The following ITFG1 variants were observed in gnomAD, a reference collection of about 807,000 sequenced individuals.
ITFG1 encodes integrin alpha FG-GAP repeat containing 1, also known as T-cell immunomodulatory protein.
ITFG1 carries 34 observed loss-of-function variants against 81.8 expected under a neutral mutation model. That is an observed-to-expected ratio of 0.42 (90% CI 0.32 to 0.55). ITFG1 has a LOEUF of 0.55. Ranked by LOEUF, ITFG1 falls within the 20% of genes least tolerant of loss-of-function variation. The probability of loss-of-function intolerance (pLI) is 0.17; values close to 1 mark genes in which losing one functional copy is unlikely to be tolerated. For synonymous variants in ITFG1, 285 were observed against 270.6 expected (o/e 1.05, Z -0.52); for missense variants, 672 against 755.4 (o/e 0.89, Z 1.29).
At chr16:47,352,045 T>C (rs199636315) in intron 8 of ITFG1, among the ~76,000 whole-genome samples, 1 of 152,282 alleles carries the variant, frequency 6.6e-6, no homozygotes, top group East Asian at 1.9e-4. Context: ...TTACACCTTA[T>C]ACAAAAATTA....
intron 8 of ITFG1, among the ~76,000 whole-genome samples, chr16:47,350,089 C>A (rs1967927876): frequency 6.6e-6 from 1 of 152,176 alleles, no homozygotes; most frequent in African/African-American, 2.4e-5. Context: ...ATTTATAGCA[C>A]TAAATGCCCA....
chr16:47,224,207 GT>G (rs2151529199), intron 13 of ITFG1, among the ~76,000 whole-genome samples: 1 of 152,122 alleles, frequency 6.6e-6, no homozygotes, highest in African/African-American at 2.4e-5. Flanking sequence ...AAAACTTAAA[GT>G]ATAATAATAA....
intron 8 of ITFG1, among the ~76,000 whole-genome samples, chr16:47,350,592 A>T (rs1022934997): frequency 1.3e-5 from 2 of 152,216 alleles, no homozygotes; most frequent in African/African-American, 2.4e-5. Flanking sequence ...AACCAAAAAC[A>T]GTCCAGGACC....
At chr16:47,205,850 A>ATCTC (rs1555504092) in intron 14 of ITFG1, among the ~76,000 whole-genome samples, 192 of 128,228 alleles carry the variant, frequency 1.5e-3, no homozygotes, top group African/African-American at 4.6e-3. Flanking sequence ...CTATCTATCT[A>ATCTC]TCTATCTATC....
intron 14 of ITFG1, among the ~76,000 whole-genome samples, chr16:47,192,000 G>A (rs180742296): frequency 2.8e-4 from 43 of 152,116 alleles, no homozygotes; most frequent in Non-Finnish European, 4.4e-4. Flanking sequence ...GCCCAGTCTC[G>A]AACCCCTGGG....
At chr16:47,426,653 G>C (rs1212270535) in intron 6 of ITFG1, among the ~76,000 whole-genome samples, 1 of 151,562 alleles carries the variant, frequency 6.6e-6, no homozygotes, top group Admixed American at 6.6e-5. Flanking sequence ...CTAGATAAAA[G>C]GTTAAATTTG....
intron 6 of ITFG1, among the ~76,000 whole-genome samples, chr16:47,386,835 G>A (rs1968469346): frequency 6.6e-6 from 1 of 152,170 alleles, no homozygotes. Flanking sequence ...AACAGAGTGT[G>A]GGGAAGTTCA....
At chr16:47,410,034 G>C (rs1188481788) in intron 6 of ITFG1, among the ~76,000 whole-genome samples, 1 of 152,172 alleles carries the variant, frequency 6.6e-6, no homozygotes, top group Non-Finnish European at 1.5e-5. Context: ...AGCACTCCGG[G>C]AGGCCAAGGC....
At chr16:47,216,942 G>C (rs1245185876) in intron 14 of ITFG1, among the ~76,000 whole-genome samples, 1 of 152,152 alleles carries the variant, frequency 6.6e-6, no homozygotes, top group Non-Finnish European at 1.5e-5. Flanking sequence ...ACAGGCATGA[G>C]CACCTGGCCT....
At chr16:47,186,006 C>G (rs1965208597) in intron 14 of ITFG1, among the ~76,000 whole-genome samples, 1 of 152,180 alleles carries the variant, frequency 6.6e-6, no homozygotes, top group Non-Finnish European at 1.5e-5. Context: ...ACTAGAAAAT[C>G]TAGAAGAAAT....
chr16:47,402,226 C>T (rs1968670563), intron 6 of ITFG1, among the ~76,000 whole-genome samples: 1 of 152,106 alleles, frequency 6.6e-6, no homozygotes, highest in Non-Finnish European at 1.5e-5. Context: ...TGAAATAAAT[C>T]TTATCAACAT....
chr16:47,285,773 A>G (rs938019457), intron 10 of ITFG1, among the ~76,000 whole-genome samples: 2 of 152,226 alleles, frequency 1.3e-5, no homozygotes, highest in East Asian at 1.9e-4. Flanking sequence ...ATTATATTAC[A>G]TAAGAGCTGT....
At chr16:47,208,954 T>C (rs1347157598) in intron 14 of ITFG1, among the ~76,000 whole-genome samples, 2 of 152,130 alleles carry the variant, frequency 1.3e-5, no homozygotes, top group East Asian at 3.8e-4. Flanking sequence ...TTAAAAAATA[T>C]CCTTCCTCAC....
chr16:47,461,053 C>T lies in ITFG1; in HGVS notation c.-8G>A, dbSNP rs762150784. 26 of 1,531,008 alleles carry T rather than the reference C, an allele frequency of 1.7e-5. No individual in the cohort carries two copies. Among genetic ancestry groups the T allele is most frequent in the Middle Eastern group, 2.3e-4 (1 of 4,408 alleles). 94.8% of individuals were successfully genotyped at this position (1,531,008 alleles called of 1,614,324 possible). A position where few individuals can be genotyped will look rare whatever the true frequency, so the allele number is the denominator to read the frequency against. ...CCGGCCCGCCGCCGCCATGGCAGCCCCTCAGCCCCCGCCCGCCGGCCCAAC... is the reference window on the plus strand; with the variant it reads ...CCGGCCCGCCGCCGCCATGGCAGCCTCTCAGCCCCCGCCCGCCGGCCCAAC... On this transcript the variant is annotated 5_prime_UTR_variant, in exon 1 of 18. Transcript: ENST00000320640.
intron 1 of ITFG1, among the ~76,000 whole-genome samples, chr16:47,459,913 A>T (rs1188608947): frequency 6.6e-6 from 1 of 152,156 alleles, no homozygotes; most frequent in African/African-American, 2.4e-5. Flanking sequence ...GGGCTCCAAG[A>T]AGTCTGGTTC....
chr16:47,427,688 G>A (rs1969040804), intron 6 of ITFG1, among the ~76,000 whole-genome samples: 1 of 152,142 alleles, frequency 6.6e-6, no homozygotes, highest in Admixed American at 6.5e-5. Context: ...GATACAATCT[G>A]AAAAATCCAC....
intron 6 of ITFG1, among the ~76,000 whole-genome samples, chr16:47,427,501 C>CA (rs1969037934): frequency 6.6e-6 from 1 of 152,028 alleles, no homozygotes; most frequent in South Asian, 2.1e-4. Context: ...TACTAAAATA[C>CA]AAAAAAATTA....
intron 14 of ITFG1, among the ~76,000 whole-genome samples, chr16:47,191,420 T>G (rs1192965109): frequency 6.6e-6 from 1 of 151,932 alleles, no homozygotes; most frequent in Non-Finnish European, 1.5e-5. Flanking sequence ...TTTTAGTTCA[T>G]CAGCTGTCAT....
At chr16:47,356,298 G>A (rs1452081836) in intron 8 of ITFG1, among the ~76,000 whole-genome samples, 1 of 152,176 alleles carries the variant, frequency 6.6e-6, no homozygotes, top group Non-Finnish European at 1.5e-5. Context: ...TGAGCATTAT[G>A]AAAAAGAAGC....
Sources: allele counts gnomAD v4.1 joint callset (sites outside exome capture counted in the v4.1 genomes callset), GRCh38; gene constraint gnomAD v4.1.1; transcripts MANE v1.5; gene names NCBI Gene and HGNC (gene_info 2026-07-23, HGNC 2026-07-21).